SUSD6: variants seen among roughly 807,000 people sequenced by gnomAD.
SUSD6 encodes the protein sushi domain containing 6.
Under a neutral mutation model 28.4 loss-of-function variants are expected in SUSD6, and 16 were observed. The observed-to-expected ratio is 0.56, with a 90% CI of 0.38 to 0.86. The LOEUF (loss-of-function observed/expected upper bound fraction) is 0.86. SUSD6 is among the 40% of genes least tolerant of loss of function. The pLI is 0.00. For missense variants in SUSD6, 341 were observed against 384.2 expected (o/e 0.89, Z 0.94); for synonymous variants, 147 against 159.6 (o/e 0.92, Z 0.59).
chr14:69,646,654 T>C (rs1197952514), intron 1 of SUSD6, among the ~76,000 whole-genome samples: 9 of 152,040 alleles, frequency 5.9e-5, no homozygotes, highest in Admixed American at 5.9e-4. Context: ...GCTTCTACCA[T>C]TTATGCAGTT....
At chr14:69,623,407 C>T (rs1566588796) in intron 1 of SUSD6, among the ~76,000 whole-genome samples, 1 of 152,098 alleles carries the variant, frequency 6.6e-6, no homozygotes, top group Non-Finnish European at 1.5e-5. Flanking sequence ...GATGCTGTTA[C>T]AAATAAAGCT....
intron 1 of SUSD6, among the ~76,000 whole-genome samples, chr14:69,634,759 T>A (rs1275596559): frequency 6.6e-6 from 1 of 152,244 alleles, no homozygotes; most frequent in Non-Finnish European, 1.5e-5. Flanking sequence ...ATCCAAAACA[T>A]GTCTTTACAT....
chr14:69,636,331 C>G (rs1885265646), intron 1 of SUSD6, among the ~76,000 whole-genome samples: 1 of 152,206 alleles, frequency 6.6e-6, no homozygotes, highest in Non-Finnish European at 1.5e-5. Flanking sequence ...TGGCTGATGG[C>G]TTACCTCCTG....
chr14:69,664,019 C>T (rs1885701684), intron 2 of SUSD6, among the ~76,000 whole-genome samples: 1 of 151,338 alleles, frequency 6.6e-6, no homozygotes, highest in African/African-American at 2.4e-5. Flanking sequence ...CACTGTGTTG[C>T]CCAGGCTGGA....
intron 1 of SUSD6, among the ~76,000 whole-genome samples, chr14:69,638,279 T>C (rs1202905234): frequency 6.6e-6 from 1 of 152,140 alleles, no homozygotes; most frequent in Non-Finnish European, 1.5e-5. Flanking sequence ...AATCACTCAC[T>C]TGGAAGGACT....
rs188279463 is a variant in SUSD6 at position 69,639,744 on chromosome 14, G to C, written c.-80-18769G>C. Among the ~76,000 whole-genome samples, 292 of 152,220 alleles carry C rather than the reference G, an allele frequency of 1.9e-3. 1 individual carries two copies. The highest frequency in any genetic ancestry group is 8.5e-3 in the Admixed American group (130 of 15,280). On this transcript the variant is annotated intron_variant, in intron 1 of 5. Transcript: ENST00000342745. ...GGATCAAGTGATTCTTTGTTGTATGGGGTTGTCCTGTGTGTTGTGGGATGT... is the reference window on the plus strand; with the variant it reads ...GGATCAAGTGATTCTTTGTTGTATGCGGTTGTCCTGTGTGTTGTGGGATGT...
intron 1 of SUSD6, among the ~76,000 whole-genome samples, chr14:69,628,492 A>G (rs1210741159): frequency 1.3e-5 from 2 of 152,208 alleles, no homozygotes; most frequent in African/African-American, 2.4e-5. Flanking sequence ...AGGAGTGTCT[A>G]TATCAGAGTA....
Position 69,658,664 on chromosome 14 carries a change from C to T in SUSD6, c.72C>T (p.Phe24=), listed in dbSNP as rs1449125908. Residue 24 remains phenylalanine (F), a synonymous_variant, in exon 2 of 6, where the codon TTC becomes TTT. Transcript: ENST00000342745. ...TGGCCTCCGTGGGACATGGAGTGTTCCTTCCGCTAGTGATCCTTTGCACCC... is the reference window on the plus strand; with the variant it reads ...TGGCCTCCGTGGGACATGGAGTGTTTCTTCCGCTAGTGATCCTTTGCACCC... ...FAVASVGHGV[F]LPLVILCTLL... The T allele has an allele frequency of 1.2e-6, 2 of 1,613,982 alleles. No homozygotes were observed. Among genetic ancestry groups the T allele is most frequent in the Non-Finnish European group, 1.7e-6 (2 of 1,179,984 alleles).
rs1885253148 is a variant in SUSD6, at chr14:69,635,598, CA to C, written c.-80-22914del. ...CCCCCACTCCACCCAAGGCACACCA[CA>C]CACACACACACACACACACACACAC... On this transcript the variant is annotated intron_variant, in intron 1 of 5. Coordinates refer to ENST00000342745, the MANE Select transcript of SUSD6 (RefSeq NM_014734.4). Among the ~76,000 whole-genome samples the C allele has an allele frequency of 1.3e-3, 44 of 34,978 alleles. No individual in the cohort carries two copies. The African/African-American group carries it at 0.016, about 13-fold the overall frequency. 22.9% of individuals were successfully genotyped at this position (34,978 alleles called of 152,430 possible). A position where few individuals can be genotyped will look rare whatever the true frequency, so the allele number is the denominator to read the frequency against.
intron 2 of SUSD6, among the ~76,000 whole-genome samples, chr14:69,701,567 A>G (rs562785533): frequency 6.6e-6 from 1 of 152,318 alleles, no homozygotes; most frequent in East Asian, 1.9e-4. Flanking sequence ...TTCTTTGGAA[A>G]TCTAGCTGGC....
chr14:69,667,826 G>T (rs199924206), intron 2 of SUSD6, among the ~76,000 whole-genome samples: 1 of 152,240 alleles, frequency 6.6e-6, no homozygotes, highest in East Asian at 1.9e-4. Flanking sequence ...CTTTGGTTTT[G>T]CTCTTTGTTT....
intron 1 of SUSD6, among the ~76,000 whole-genome samples, chr14:69,640,021 A>G (rs1238869116): frequency 7.5e-6 from 1 of 133,724 alleles, no homozygotes; most frequent in Non-Finnish European, 1.5e-5. Flanking sequence ...TAAAGGTAGC[A>G]TGGGTACCAG....
chr14:69,615,847 G>A (rs955764577), intron 1 of SUSD6: 6 of 152,164 alleles, frequency 3.9e-5, no homozygotes, highest in South Asian at 2.1e-4. Flanking sequence ...TGAAGGCTGC[G>A]TGCCAAGAAT....
intron 2 of SUSD6, among the ~76,000 whole-genome samples, chr14:69,682,830 CT>C (rs1213727326): frequency 1.3e-5 from 2 of 152,058 alleles, no homozygotes; most frequent in Non-Finnish European, 2.9e-5. Flanking sequence ...AGTTGCCTCC[CT>C]TTTTTCCCCT....
chr14:69,695,696 C>T (rs1487212076), intron 2 of SUSD6, among the ~76,000 whole-genome samples: 1 of 152,140 alleles, frequency 6.6e-6, no homozygotes, highest in East Asian at 1.9e-4. Context: ...AACTGTGCCA[C>T]CCACCTGCTG....
Position 69,658,547 on chromosome 14 carries a change from T to A in SUSD6, c.-46T>A. The A allele has an allele frequency of 6.2e-7, 1 of 1,609,202 alleles. No individual in the cohort carries two copies. ...CTCCCGGCCGACTTTAGGATTCTTCTGGATTTTAAATTTTTTCTTTTTAAA... is the reference window on the plus strand; with the variant it reads ...CTCCCGGCCGACTTTAGGATTCTTCAGGATTTTAAATTTTTTCTTTTTAAA... On this transcript the variant is annotated 5_prime_UTR_variant, in exon 2 of 6. Transcript: ENST00000342745.
At chr14:69,625,467 T>C (rs1885100374) in intron 1 of SUSD6, among the ~76,000 whole-genome samples, 1 of 152,174 alleles carries the variant, frequency 6.6e-6, no homozygotes, top group African/African-American at 2.4e-5. Flanking sequence ...CATGGTCTCC[T>C]TCATGTTTCA....
intron 2 of SUSD6, among the ~76,000 whole-genome samples, chr14:69,680,626 T>C (rs554593723): frequency 6.6e-6 from 1 of 152,342 alleles, no homozygotes; most frequent in African/African-American, 2.4e-5. Flanking sequence ...CTTTCAGCTT[T>C]CTTGCCAGCT....
At chr14:69,702,827 A>G (rs951235879) in intron 2 of SUSD6, among the ~76,000 whole-genome samples, 1 of 152,176 alleles carries the variant, frequency 6.6e-6, no homozygotes, top group African/African-American at 2.4e-5. Flanking sequence ...TCAGTGGAAA[A>G]TGTGGAATTT....
Sources: gnomAD v4.1 joint callset for allele counts (sites outside exome capture counted in the v4.1 genomes callset) on GRCh38, gnomAD v4.1.1 for gene constraint, MANE v1.5 for transcripts, NCBI Gene and HGNC (gene_info 2026-07-23, HGNC 2026-07-21) for gene names.